ARID5A: variants seen among roughly 807,000 people sequenced by gnomAD.
ARID5A encodes the protein AT-rich interactive domain-containing protein 5A.
In ARID5A, 14 loss-of-function variants were observed where a neutral mutation model predicts 30.5. That is an observed-to-expected ratio of 0.46 (90% CI 0.30 to 0.72). The LOEUF (loss-of-function observed/expected upper bound fraction) is 0.72, where lower values mean the gene tolerates loss of function less well. Among genes scored for constraint, ARID5A ranks in the 30% least tolerant of loss-of-function variants. The pLI is 0.07. For synonymous variants in ARID5A, 338 were observed against 340.4 expected (o/e 0.99, Z 0.08); for missense variants, 669 against 786.2 (o/e 0.85, Z 1.78).
In ARID5A at chr2:96,552,133, G is replaced by A. The variant is rs150377172; in HGVS notation, c.1605G>A (p.Pro535=). The change falls in exon 7 of 7, where the codon CCG becomes CCA. Residue 535 remains proline (P), a synonymous_variant. Transcript: ENST00000357485. ...PFSPLVIPAF[P]AHFLATAGPS... Reference sequence around the variant, plus strand: ...GCCCCCTGGTCATCCCGGCCTTCCCGGCCCACTTCCTGGCCACCGCAGGCC... The same window carrying A: ...GCCCCCTGGTCATCCCGGCCTTCCCAGCCCACTTCCTGGCCACCGCAGGCC... 1.4e-5 allele frequency: 23 copies of A among 1,612,288 alleles called. No homozygotes were observed. The highest frequency in any genetic ancestry group is 1.7e-5 in the Non-Finnish European group (20 of 1,179,710).
Position 96,549,862 on chromosome 2 carries a change from A to C in ARID5A, c.312+57A>C. The C allele has an allele frequency of 1.9e-6, 3 of 1,585,442 alleles. No homozygotes were observed. The highest frequency in any genetic ancestry group is 2.6e-6 in the Non-Finnish European group (3 of 1,164,616). ...CTGCATATCCCTGGGGTGAGCCTGCAGCGCTGTCCTTGCCTCTGGACAGAG... is the reference window on the plus strand; with the variant it reads ...CTGCATATCCCTGGGGTGAGCCTGCCGCGCTGTCCTTGCCTCTGGACAGAG... On this transcript the variant is annotated intron_variant, in intron 4 of 6. Transcript: ENST00000357485. This position sits in a 1 kb window ranked among gnomAD's most constrained non-coding sequence, Gnocchi z 6.1.
chr2:96,541,214 T>C (rs952478894), intron 1 of ARID5A, among the ~76,000 whole-genome samples: 1 of 152,034 alleles, frequency 6.6e-6, no homozygotes, highest in Non-Finnish European at 1.5e-5. Context: ...ATTTTTGTAT[T>C]TTTAGTAGAG....
chr2:96,548,194 TAAAA>T, intron 2 of ARID5A, among the ~76,000 whole-genome samples: 1 of 152,280 alleles, frequency 6.6e-6, no homozygotes, highest in Admixed American at 6.5e-5. Context: ...TTTAATACCT[TAAAA>T]ACACTGAGCT....
chr2:96,542,554 AACCT>A (rs1170113378), intron 1 of ARID5A, among the ~76,000 whole-genome samples: 1 of 152,158 alleles, frequency 6.6e-6, no homozygotes, highest in African/African-American at 2.4e-5. Flanking sequence ...TGTGGCTCAC[AACCT>A]GGCTGCCCAC....
At chr2:96,545,781 C>A (rs1003322205) in intron 1 of ARID5A, among the ~76,000 whole-genome samples, 5 of 151,728 alleles carry the variant, frequency 3.3e-5, no homozygotes, top group African/African-American at 1.2e-4. Flanking sequence ...TGGTGAAACC[C>A]CGTCTCTACT....
chr2:96,549,325 C>G lies in ARID5A; in HGVS notation c.125C>G (p.Ser42Cys). The change falls in exon 3 of 7, where the codon TCC (serine) becomes TGC (cysteine). Residue 42 changes from serine (S) to cysteine (C), a missense_variant. Physicochemically the swap from Ser to Cys is moderately radical, Grantham distance 112. This residue lies in a region of ARID5A where 56 missense variants were observed against 72.8 expected (regional missense o/e 0.77). Coordinates refer to ENST00000357485, the MANE Select transcript of ARID5A (RefSeq NM_212481.3). This position sits in a 1 kb window ranked among gnomAD's most constrained non-coding sequence, Gnocchi z 6.1. ...GIQNPISLED[S>C]PEAGGEREEE... is the part of the protein sequence containing the mutation. ...TGCCTCCTGTTCTCTCCCCAGGACT[C>G]CCCCGAGGCAGGCGGGGAGCGGGAG... is the stretch of plus-strand genomic sequence containing the variant. 6.2e-7 allele frequency: 1 copy of G among 1,612,938 alleles called. No homozygotes were observed. The highest frequency in any genetic ancestry group is 8.5e-7 in the Non-Finnish European group (1 of 1,179,762).
At chr2:96,544,711 C>T (rs775608854) in intron 1 of ARID5A, among the ~76,000 whole-genome samples, 13 of 152,190 alleles carry the variant, frequency 8.5e-5, no homozygotes, top group Non-Finnish European at 1.3e-4. Context: ...TGCCTACTAG[C>T]ACAACATTTA....
intron 1 of ARID5A, chr2:96,538,400 T>C: frequency 1.1e-6 from 1 of 914,682 alleles, no homozygotes; most frequent in South Asian, 5.1e-5. Flanking sequence ...TCCCTTTCTG[T>C]ACCCTCTGGT....
chr2:96,547,316 G>T, intron 1 of ARID5A, 86 bp from the exon 2 acceptor site: 1 of 1,160,306 alleles, frequency 8.6e-7, no homozygotes, highest in East Asian at 2.6e-5. Context: ...TTGGGAGTAG[G>T]GAGAGTGCTC....
intron 1 of ARID5A, among the ~76,000 whole-genome samples, chr2:96,542,676 C>T (rs984864535): frequency 6.6e-6 from 1 of 152,130 alleles, no homozygotes; most frequent in African/African-American, 2.4e-5. Flanking sequence ...TCTGATGGGC[C>T]CTGTCTAACC....
Position 96,549,488 on chromosome 2 carries a change from GGGGCCCAGCA to G in ARID5A, c.259+33_259+42del. 5 of 1,605,212 alleles carry G rather than the reference GGGGCCCAGCA, an allele frequency of 3.1e-6. No individual in the cohort carries two copies. The highest frequency in any genetic ancestry group is 4.3e-6 in the Non-Finnish European group (5 of 1,174,714). Reference sequence around the variant, plus strand: ...CGTCCCTGGGGTGCAGGCAGGGAGGGGGGCCCAGCAGGGGACCCCGCCCAGGCAGGGCATC... The same window carrying G: ...CGTCCCTGGGGTGCAGGCAGGGAGGGGGGGACCCCGCCCAGGCAGGGCATC... On this transcript the variant is annotated intron_variant, in intron 3 of 6. Coordinates refer to ENST00000357485, the MANE Select transcript of ARID5A (RefSeq NM_212481.3). The surrounding 1 kb of genome is among the most constrained non-coding windows in gnomAD (Gnocchi z 6.1).
rs1365266859 is a variant in ARID5A at position 96,537,757 on chromosome 2, C to T, written c.4+927C>T. On this transcript the variant is annotated intron_variant, in intron 1 of 6. Transcript: ENST00000357485. The surrounding 1 kb of genome is among the most constrained non-coding windows in gnomAD (Gnocchi z 4.8). ...TCCCTCCGCGGTGTCTAGGGGTCGC[C>T]CGGGCTGGGGTCGCGTCACCCTCCG... 2 of 692,766 alleles carry T rather than the reference C, an allele frequency of 2.9e-6. No homozygotes were observed. The highest frequency in any genetic ancestry group is 3.6e-6 in the Non-Finnish European group (2 of 562,814). 42.9% of individuals were successfully genotyped at this position (692,766 alleles called of 1,614,324 possible). A position where few individuals can be genotyped will look rare whatever the true frequency, so the allele number is the denominator to read the frequency against.
Position 96,552,095 on chromosome 2 carries a change from G to C in ARID5A, c.1567G>C (p.Ala523Pro). Residue 523 changes from alanine (A) to proline (P), a missense_variant, in exon 7 of 7, where the codon GCA becomes CCA. By Grantham distance (27) the Ala-to-Pro change is conservative. Coordinates refer to ENST00000357485, the MANE Select transcript of ARID5A (RefSeq NM_212481.3). ...GTPGPLKGQA[A>P]LPFSPLVIPA... ...CCCGGGCCCCTTGAAGGGCCAGGCTGCACTCCCCTTCAGCCCCCTGGTCAT... is the reference window on the plus strand; with the variant it reads ...CCCGGGCCCCTTGAAGGGCCAGGCTCCACTCCCCTTCAGCCCCCTGGTCAT... 1.9e-6 allele frequency: 3 copies of C among 1,602,378 alleles called. No individual in the cohort carries two copies. Among genetic ancestry groups the C allele is most frequent in the Non-Finnish European group, 2.6e-6 (3 of 1,174,212 alleles).
chr2:96,551,224 C>A lies in ARID5A; in HGVS notation c.696C>A (p.Ala232=), dbSNP rs1558621438. 6.2e-7 allele frequency: 1 copy of A among 1,613,970 alleles called. No individual in the cohort carries two copies. The highest frequency in any genetic ancestry group is 8.5e-7 in the Non-Finnish European group (1 of 1,180,004). ...ASGSSVSFVG[A]SGCPEAYKRL... ...GGTCTTCTGTGTCCTTTGTGGGTGC[C>A]AGCGGCTGTCCTGAGGCCTACAAGC... Residue 232 remains alanine, a synonymous_variant, in exon 7 of 7, where the codon GCC becomes GCA. Transcript: ENST00000357485.
At chr2:96,547,651 C>T in intron 2 of ARID5A, 134 bp downstream of exon 2, 1 of 747,488 alleles carries the variant, frequency 1.3e-6, no homozygotes, top group South Asian at 1.9e-5. Flanking sequence ...CCCTGCCCAG[C>T]AGCCAGGGGA....
At chr2:96,547,305 A>G (rs763701207) in intron 1 of ARID5A, 97 bp from the exon 2 acceptor site, 18 of 1,069,424 alleles carry the variant, frequency 1.7e-5, no homozygotes, top group South Asian at 4.6e-5. Context: ...GGCAACTCCA[A>G]TTGGGAGTAG....
chr2:96,541,103 G>T (rs1259550041), intron 1 of ARID5A, among the ~76,000 whole-genome samples: 2 of 138,994 alleles, frequency 1.4e-5, no homozygotes, highest in African/African-American at 5.4e-5. Flanking sequence ...AGTGGCGCGA[G>T]CTCAGCTCAC....
chr2:96,547,253 G>A, intron 1 of ARID5A, 149 bp from the exon 2 acceptor site: 1 of 601,574 alleles, frequency 1.7e-6, no homozygotes, highest in Non-Finnish European at 2.8e-6. Context: ...GCCTCCCAAA[G>A]TGCTGGGATC....
At position 96,552,283 on chromosome 2, in the gene ARID5A, C is replaced by T. The variant is rs761347575; in HGVS notation, c.1755C>T (p.Pro585=). The stretch of plus-strand genomic sequence containing the variant: ...CACCAGTCACAACCTATGCAGCGCC[C>T]CACTTCTTCCACCTCAACACCAAGC... ...HAPPVTTYAA[P]HFFHLNTKL The change falls in exon 7 of 7, where the codon CCC becomes CCT. Residue 585 remains proline, a synonymous_variant. Transcript: ENST00000357485. The T allele has an allele frequency of 1.9e-6, 3 of 1,612,990 alleles. No individual in the cohort carries two copies. The East Asian group carries it at 6.7e-5, about 36-fold the overall frequency.
Sources: allele counts gnomAD v4.1 joint callset (sites outside exome capture counted in the v4.1 genomes callset), GRCh38; gene constraint gnomAD v4.1.1; regional missense constraint gnomAD v4.1.1; non-coding constraint Gnocchi (gnomAD v3.1); transcripts MANE v1.5; gene names NCBI Gene and HGNC (gene_info 2026-07-23, HGNC 2026-07-21).